The following LAMB3 variants were observed in gnomAD, a reference collection of about 807,000 sequenced individuals.
LAMB3 encodes laminin subunit beta-3.
Under a neutral mutation model 140.3 loss-of-function variants are expected in LAMB3, and 104 were observed. That is an observed-to-expected ratio of 0.74 (90% CI 0.63 to 0.87). LAMB3 has a LOEUF of 0.87. Ranked by LOEUF, LAMB3 falls within the 40% of genes least tolerant of loss-of-function variation. The pLI is 0.00. For missense variants in LAMB3, 1,531 were observed against 1,575.2 expected (o/e 0.97, Z 0.47); for synonymous variants, 592 against 602.9 (o/e 0.98, Z 0.26).
chr1:209,619,459 C>G lies in LAMB3; in HGVS notation c.2702-800G>C, dbSNP rs189687394. The stretch of plus-strand genomic sequence containing the variant: ...TTGACAGGGCTTCAGGTTCAGATCT[C>G]TGCTTTACTATTCAAGCCACCTGGG... On this transcript the variant is annotated intron_variant, in intron 18 of 22. Transcript: ENST00000356082. 2.2e-4 allele frequency among the ~76,000 whole-genome samples: 34 copies of G among 152,358 alleles called. No homozygotes were observed. In the East Asian group the frequency reaches 4.6e-3, roughly 21 times the overall value.
chr1:209,652,016 G>A (rs563876873), intron 1 of LAMB3, among the ~76,000 whole-genome samples: 144 of 152,222 alleles, frequency 9.5e-4, no homozygotes, highest in Non-Finnish European at 1.6e-3. Flanking sequence ...CACAGCTAAC[G>A]ATGGCCTAAG....
Position 209,650,977 on chromosome 1 carries a change from C to A in LAMB3, c.-33G>T, listed in dbSNP as rs547771685. 4.3e-6 allele frequency: 7 copies of A among 1,612,810 alleles called. No homozygotes were observed. The African/African-American group carries it at 5.3e-5, about 12-fold the overall frequency. The stretch of plus-strand genomic sequence containing the variant: ...CAATGGGGTGATCCCCAGAAAGGAC[C>A]TTTCCTAGGACACAGCAAAGCAAAC... On this transcript the variant is annotated 5_prime_UTR_variant, in exon 2 of 23. In the 5' UTR this introduces an upstream ATG that the reference lacks. Coordinates refer to ENST00000356082, the MANE Select transcript of LAMB3 (RefSeq NM_000228.3).
At chr1:209,618,796 C>G (rs1666086023) in intron 18 of LAMB3, 137 bp from the exon 19 acceptor site, 1 of 784,796 alleles carries the variant, frequency 1.3e-6, no homozygotes, top group Non-Finnish European at 2.2e-6. Flanking sequence ...GCTGCTGCCC[C>G]CTTTCAACCA....
intron 3 of LAMB3, among the ~76,000 whole-genome samples, chr1:209,646,705 T>C (rs780542027): frequency 2.0e-5 from 3 of 152,226 alleles, no homozygotes; most frequent in Admixed American, 6.5e-5. Context: ...GGGCAGCCTC[T>C]GCATGTGGAT....
chr1:209,648,033 G>A (rs2298924), intron 3 of LAMB3, among the ~76,000 whole-genome samples: 128,012 of 152,224 alleles, frequency 0.84, 53,987 homozygotes, highest in Middle Eastern at 0.88. Context: ...GCACCCAGAG[G>A]GGGTTCAGGG....
Position 209,625,936 on chromosome 1 carries a change from C to A in LAMB3, c.1688G>T (p.Arg563Leu), listed in dbSNP as rs753850608. The A allele has an allele frequency of 1.2e-6, 2 of 1,613,618 alleles. No homozygotes were observed. The highest frequency in any genetic ancestry group is 3.3e-5 in the Admixed American group (2 of 59,970). Residue 563 changes from arginine to leucine, a missense_variant, in exon 14 of 23, where the codon CGC (arginine) becomes CTC (leucine). Coordinates refer to ENST00000356082, the MANE Select transcript of LAMB3 (RefSeq NM_000228.3). ...GTAGCCTCGCTGGCACTGGTCACAG[C>A]GGGGCCCGGTCAAGCCAGGGCGGCA... ...CLCRPGLTGP[R>L]CDQCQRGYCN...
intron 3 of LAMB3, among the ~76,000 whole-genome samples, chr1:209,645,476 G>T (rs539805632): frequency 6.6e-6 from 1 of 152,262 alleles, no homozygotes; most frequent in East Asian, 1.9e-4. Flanking sequence ...AGCACTTTGG[G>T]AGGCCAAGGC....
intron 3 of LAMB3, among the ~76,000 whole-genome samples, chr1:209,649,361 A>G (rs894199167): frequency 1.3e-5 from 2 of 152,220 alleles, no homozygotes; most frequent in South Asian, 4.2e-4. Flanking sequence ...CAAAAAGAAA[A>G]CCAAAGTTCC....
chr1:209,621,946 C>A (rs1666210013), intron 18 of LAMB3, among the ~76,000 whole-genome samples: 1 of 152,174 alleles, frequency 6.6e-6, no homozygotes, highest in Admixed American at 6.5e-5. Flanking sequence ...CACTTGTTGA[C>A]AACTGAATGA....
At chr1:209,625,339 ACT>A (rs1250868889) in intron 14 of LAMB3, among the ~76,000 whole-genome samples, 1 of 151,822 alleles carries the variant, frequency 6.6e-6, no homozygotes, top group African/African-American at 2.4e-5. Context: ...TCCAGAGCTG[ACT>A]CTCTCCCACA....
Position 209,634,536 on chromosome 1 carries a change from G to A in LAMB3, c.475C>T (p.Arg159Trp), listed in dbSNP as rs116472735. 25 of 1,614,104 alleles carry A rather than the reference G, an allele frequency of 1.5e-5. No homozygotes were observed. In the East Asian group the frequency reaches 3.6e-4, roughly 23 times the overall value. Residue 159 changes from arginine (R) to tryptophan (W), a missense_variant, in exon 6 of 23, where the codon CGG becomes TGG. Transcript: ENST00000356082. ...CTCTGAGGCCGACCCTGGCGGACCC[G>A]AGGGAAGGTGGAGGTGCAGTCGGCA... The part of the protein sequence containing the change: ...LAADCTSTFP[R>W]VRQGRPQSWQ...
rs770636545 is a variant in LAMB3, at chr1:209,634,688, C to T, written c.373-50G>A. On this transcript the variant is annotated intron_variant, in intron 5 of 22. Transcript: ENST00000356082. ...GAGGGGAGGCACTGGGGCTGTGCCC[C>T]GTGGAGACACAAGCAGAGAGACAGG... is the stretch of plus-strand genomic sequence containing the variant. 9 of 1,469,780 alleles carry T rather than the reference C, an allele frequency of 6.1e-6. No homozygotes were observed. The Admixed American group carries it at 9.1e-5, about 15-fold the overall frequency. 91.0% of individuals were successfully genotyped at this position (1,469,780 alleles called of 1,614,324 possible).
intron 19 of LAMB3, 132 bp from the exon 20 acceptor site, chr1:209,618,180 T>A: frequency 8.4e-7 from 1 of 1,186,650 alleles, no homozygotes. Context: ...AAGTATTAAC[T>A]CAGTAGCTTT....
intron 10 of LAMB3, 45 bp from the exon 11 acceptor site, chr1:209,628,235 G>C: frequency 6.5e-7 from 1 of 1,548,426 alleles, no homozygotes. Flanking sequence ...AAGAAAAGTA[G>C]AGTTCAGAGC....
At chr1:209,627,902 C>T (rs1037260628) in intron 11 of LAMB3, 133 bp downstream of exon 11, 34 of 1,229,830 alleles carry the variant, frequency 2.8e-5, no homozygotes, top group Non-Finnish European at 3.6e-5. Flanking sequence ...CTGGCAAAGG[C>T]CCGGGCATAC....
At chr1:209,634,185 G>C (rs1248503708) in intron 6 of LAMB3, among the ~76,000 whole-genome samples, 2 of 152,152 alleles carry the variant, frequency 1.3e-5, no homozygotes, top group East Asian at 3.8e-4. Context: ...AGTCACGGGG[G>C]AGGGGGCTGT....
At chr1:209,622,262 TAAGCAGG>T (rs1409410759) in intron 18 of LAMB3, among the ~76,000 whole-genome samples, 3 of 152,218 alleles carry the variant, frequency 2.0e-5, no homozygotes, top group Admixed American at 2.0e-4. Flanking sequence ...TGAAGGATTT[TAAGCAGG>T]AGTGAGATGT....
At chr1:209,641,052 C>T (rs964596570) in intron 3 of LAMB3, among the ~76,000 whole-genome samples, 21 of 146,698 alleles carry the variant, frequency 1.4e-4, no homozygotes, top group Non-Finnish European at 2.4e-4. Context: ...CACTGCACTC[C>T]AGCCTGGGCA....
Position 209,619,753 on chromosome 1 carries a change from C to A in LAMB3, c.2702-1094G>T, listed in dbSNP as rs551565979. ...CCCTGGAATCTGAACTCCTCTGGGG[C>A]CCCAGGCCCAGTTTCACTCTACAAC... On this transcript the variant is annotated intron_variant, in intron 18 of 22. Transcript: ENST00000356082. Among the ~76,000 whole-genome samples, 346 of 152,318 alleles carry A rather than the reference C, an allele frequency of 2.3e-3. 1 individual carries two copies. The highest frequency in any genetic ancestry group is 7.9e-3 in the African/African-American group (327 of 41,566).
Sources: allele counts gnomAD v4.1 joint callset (sites outside exome capture counted in the v4.1 genomes callset), GRCh38; gene constraint gnomAD v4.1.1; transcripts MANE v1.5; gene names NCBI Gene and HGNC (gene_info 2026-07-23, HGNC 2026-07-21).